Variants in SAMMSON observed in about 807,000 individuals in gnomAD.
SAMMSON encodes long intergenic non-protein coding RNA 1212.
At chr3:70,210,858 CAG>C (rs140898620) in intron 4 of SAMMSON, among the ~76,000 whole-genome samples, 6,602 of 152,076 alleles carry the variant, frequency 0.043, 188 homozygotes, top group South Asian at 0.11. Context: ...AAACTTAAGT[CAG>C]AGAAAAGATA....
At chr3:70,184,031 A>G (rs901267158) in intron 4 of SAMMSON, 1 of 152,188 alleles carries the variant, frequency 6.6e-6, no homozygotes, top group Admixed American at 6.5e-5. Context: ...CCATGTTGGT[A>G]CAAATTCCTA....
At chr3:70,110,760 G>A (rs1353577255) in intron 4 of SAMMSON, among the ~76,000 whole-genome samples, 2 of 152,154 alleles carry the variant, frequency 1.3e-5, no homozygotes, top group Admixed American at 1.3e-4. Context: ...GATGAGGGCG[G>A]TGGTGAAAAG....
chr3:70,301,304 G>T (rs1024350097), intron 7 of SAMMSON, among the ~76,000 whole-genome samples: 4 of 152,132 alleles, frequency 2.6e-5, no homozygotes, highest in East Asian at 1.9e-4. Context: ...AAGGAATTGG[G>T]TATGTTCATA....
At chr3:70,127,160 G>T (rs1350489904) in intron 4 of SAMMSON, 1 of 152,168 alleles carries the variant, frequency 6.6e-6, no homozygotes, top group Non-Finnish European at 1.5e-5. Flanking sequence ...ATGTTTCAGA[G>T]AAATTGGTAT....
intron 3 of SAMMSON, chr3:70,014,970 G>A (rs566878405): frequency 6.6e-6 from 1 of 152,130 alleles, no homozygotes; most frequent in African/African-American, 2.4e-5. Context: ...AAGACAAAAA[G>A]AGCAAATTTA....
At chr3:70,379,255 G>A (rs1443662018) in intron 9 of SAMMSON, among the ~76,000 whole-genome samples, 3 of 152,046 alleles carry the variant, frequency 2.0e-5, no homozygotes, top group Non-Finnish European at 1.5e-5. Flanking sequence ...CTCGTGATCC[G>A]TCTGCCTCGG....
At chr3:70,293,484 G>A (rs193221664) in intron 7 of SAMMSON, among the ~76,000 whole-genome samples, 3 of 152,124 alleles carry the variant, frequency 2.0e-5, no homozygotes, top group Admixed American at 6.6e-5. Flanking sequence ...AATCACAGGC[G>A]ATGCTGATCC....
At chr3:70,037,303 C>T (rs561126769) in intron 3 of SAMMSON, among the ~76,000 whole-genome samples, 1 of 151,926 alleles carries the variant, frequency 6.6e-6, no homozygotes, top group African/African-American at 2.4e-5. Context: ...GTCATATGAT[C>T]GAAGAAGGGT....
At chr3:70,288,185 TG>T (rs1400399128) in intron 6 of SAMMSON, among the ~76,000 whole-genome samples, 3 of 143,148 alleles carry the variant, frequency 2.1e-5, no homozygotes, top group Non-Finnish European at 4.5e-5. Flanking sequence ...TGCTTTCTCT[TG>T]TGGGCATTTA....
chr3:70,092,760 C>T (rs13321804), intron 4 of SAMMSON, among the ~76,000 whole-genome samples: 29 of 152,154 alleles, frequency 1.9e-4, no homozygotes, highest in Middle Eastern at 6.8e-3. Flanking sequence ...CTTATCCTGT[C>T]GTAAATGCAA....
At chr3:70,323,167 G>A (rs904612937) in intron 7 of SAMMSON, among the ~76,000 whole-genome samples, 9 of 152,106 alleles carry the variant, frequency 5.9e-5, no homozygotes, top group African/African-American at 1.9e-4. Flanking sequence ...TGCACAGGAC[G>A]TAAGAAGAAG....
At chr3:70,348,979 C>A (rs1046138185) in intron 7 of SAMMSON, among the ~76,000 whole-genome samples, 1 of 152,150 alleles carries the variant, frequency 6.6e-6, no homozygotes, top group African/African-American at 2.4e-5. Context: ...CCACCCATCA[C>A]CAAACATTTT....
chr3:70,020,392 A>C (rs1237891225), intron 3 of SAMMSON, among the ~76,000 whole-genome samples: 1 of 152,210 alleles, frequency 6.6e-6, no homozygotes, highest in Non-Finnish European at 1.5e-5. Context: ...TGACCAAAGG[A>C]ACTGAAATTA....
intron 2 of SAMMSON, among the ~76,000 whole-genome samples, chr3:70,404,989 C>A (rs148016234): frequency 6.6e-6 from 1 of 152,098 alleles, no homozygotes; most frequent in Non-Finnish European, 1.5e-5. Flanking sequence ...ATGAGGCCAG[C>A]AAAACCAAAA....
intron 4 of SAMMSON, among the ~76,000 whole-genome samples, chr3:70,135,653 C>A (rs1337645214): frequency 6.6e-6 from 1 of 152,106 alleles, no homozygotes; most frequent in African/African-American, 2.4e-5. Flanking sequence ...TCCAGAGACA[C>A]CCACGGTTAA....
chr3:70,433,035 A>G (rs1328573423), intron 2 of SAMMSON, among the ~76,000 whole-genome samples: 3 of 152,030 alleles, frequency 2.0e-5, no homozygotes, highest in South Asian at 2.1e-4. Context: ...CATTATAGCT[A>G]TATATTATAC....
intron 4 of SAMMSON, among the ~76,000 whole-genome samples, chr3:70,157,645 G>A (rs1018197388): frequency 6.6e-6 from 1 of 152,026 alleles, no homozygotes; most frequent in Admixed American, 6.6e-5. Flanking sequence ...AATGGCTGAA[G>A]CAGAATTTAT....
intron 6 of SAMMSON, among the ~76,000 whole-genome samples, chr3:70,273,616 G>A (rs1296576603): frequency 6.6e-6 from 1 of 152,162 alleles, no homozygotes; most frequent in Non-Finnish European, 1.5e-5. Context: ...GTTTATAAGA[G>A]CATTTTGACA....
chr3:70,272,029 C>T (rs1701980584), intron 6 of SAMMSON: 1 of 152,388 alleles, frequency 6.6e-6, no homozygotes, highest in Non-Finnish European at 1.5e-5. Flanking sequence ...TCCCAAAGTG[C>T]TGGGATTACA....
Sources: allele counts gnomAD v4.1 joint callset (sites outside exome capture counted in the v4.1 genomes callset), GRCh38; gene constraint gnomAD v4.1.1; transcripts MANE v1.5; gene names NCBI Gene and HGNC (gene_info 2026-07-23, HGNC 2026-07-21).